The following MORC4 variants were observed in gnomAD, a reference collection of about 807,000 sequenced individuals.
The protein encoded by MORC4 is MORC family CW-type zinc finger protein 4.
Under a neutral mutation model 65.5 loss-of-function variants are expected in MORC4, and 22 were observed. The ratio of observed to expected loss-of-function variants is 0.34; its 90% CI spans 0.24 to 0.48. The LOEUF is 0.48. Ranked by LOEUF, MORC4 falls within the 20% of genes least tolerant of loss-of-function variation. The pLI is 0.99. For synonymous variants in MORC4, 267 were observed against 255.8 expected (o/e 1.04, Z -0.42); for missense variants, 624 against 703.0 (o/e 0.89, Z 1.27).
At chrX:106,982,649 G>C (rs1216670974) in intron 5 of MORC4, among the ~76,000 whole-genome samples, 1 of 111,699 alleles carries the variant, frequency 9.0e-6, no homozygotes, top group Non-Finnish European at 1.9e-5. Context: ...GCCCAGGCTA[G>C]AGTGCAGTGG....
At chrX:106,972,745 A>G (rs1182490361) in intron 9 of MORC4, among the ~76,000 whole-genome samples, 1 of 111,482 alleles carries the variant, frequency 9.0e-6, no homozygotes, top group Non-Finnish European at 1.9e-5. Context: ...TCAAGACCAG[A>G]CTGACCAACA....
chrX:106,973,119 C>A (rs989842869), intron 9 of MORC4, among the ~76,000 whole-genome samples: 3 of 112,031 alleles, frequency 2.7e-5, no homozygotes, highest in African/African-American at 9.7e-5. Context: ...GTCCAGAGGG[C>A]AAAGCCTCAA....
intron 9 of MORC4, among the ~76,000 whole-genome samples, chrX:106,966,896 G>A (rs1019836629): frequency 2.3e-4 from 26 of 112,715 alleles, no homozygotes; most frequent in African/African-American, 8.4e-4. Context: ...ACAAAAGGCA[G>A]CAGACAGCTT....
At chrX:106,986,655 A>G (rs1450776980) in intron 3 of MORC4, among the ~76,000 whole-genome samples, 1 of 111,550 alleles carries the variant, frequency 9.0e-6, no homozygotes, top group Non-Finnish European at 1.9e-5. Context: ...TAGATTAGGC[A>G]TCTCCTAACC....
intron 10 of MORC4, among the ~76,000 whole-genome samples, chrX:106,960,921 C>T (rs1020790297): frequency 1.8e-5 from 2 of 111,743 alleles, no homozygotes; most frequent in Admixed American, 1.9e-4. Flanking sequence ...ATAATAGGTA[C>T]CTACTCCAAA....
chrX:106,978,007 T>C, intron 8 of MORC4, 73 bp downstream of exon 8: 1 of 1,099,583 alleles, frequency 9.1e-7, no homozygotes, highest in Non-Finnish European at 1.2e-6. Context: ...AATGAGCCTA[T>C]CCCCTTTGCA....
intron 2 of MORC4, among the ~76,000 whole-genome samples, chrX:106,996,251 A>T (rs1935079648): frequency 9.6e-6 from 1 of 104,309 alleles, no homozygotes; most frequent in Non-Finnish European, 2.0e-5. Context: ...CAGGAGTTAC[A>T]ATGTAGCTGC....
In MORC4 at chrX:106,942,681, G is replaced by A. The variant is rs150736453; in HGVS notation, c.2210C>T (p.Ser737Phe). ...AATGGCTGCAGCAGGGATTGCAGCAGAGGCCACAGAATAAGGCACTGGGTT... is the reference window on the plus strand; with the variant it reads ...AATGGCTGCAGCAGGGATTGCAGCAAAGGCCACAGAATAAGGCACTGGGTT... ...SWNPVPYSVA[S>F]AAIPAAAIGE... Residue 737 changes from serine (S) to phenylalanine (F), a missense_variant, in exon 15 of 17, where the codon TCT becomes TTT. Ser to Phe is a radical substitution (Grantham distance 155). Transcript: ENST00000355610. 16 of 1,209,845 alleles carry A rather than the reference G, an allele frequency of 1.3e-5. No individual in the cohort carries two copies. The highest frequency in any genetic ancestry group is 1.8e-5 in the African/African-American group (1 of 57,095).
At chrX:106,971,252 T>C (rs1219217219) in intron 9 of MORC4, among the ~76,000 whole-genome samples, 1 of 112,045 alleles carries the variant, frequency 8.9e-6, no homozygotes, top group African/African-American at 3.2e-5. Context: ...TTAGGAAAAC[T>C]GGCTAGCCAT....
intron 9 of MORC4, among the ~76,000 whole-genome samples, chrX:106,969,770 A>G (rs1934463387): frequency 8.9e-6 from 1 of 112,120 alleles, no homozygotes; most frequent in South Asian, 3.8e-4. Flanking sequence ...TCCTAAGTGT[A>G]AAGCAGGAAG....
chrX:106,943,171 C>CA lies in MORC4; in HGVS notation c.1719_1720insT (p.Glu574Ter). On this transcript the variant is annotated frameshift_variant, in exon 15 of 17. Coordinates refer to ENST00000355610, the MANE Select transcript of MORC4 (RefSeq NM_024657.5). LOFTEE classifies it high-confidence loss of function. ...TCATTCTGGAGCCTTCTTCGTTTCT[C>CA]CACCGGTTCTTCACCTAGGATCCAT... 8.3e-7 allele frequency: 1 copy of CA among 1,206,422 alleles called. No homozygotes were observed. The highest frequency in any genetic ancestry group is 1.8e-5 in the South Asian group (1 of 56,668).
intron 14 of MORC4, 48 bp from the exon 15 acceptor site, chrX:106,943,253 G>A: frequency 9.8e-7 from 1 of 1,021,981 alleles, no homozygotes; most frequent in South Asian, 2.2e-5. Flanking sequence ...TACAAGTTAA[G>A]TATTTTCTGA....
intron 3 of MORC4, among the ~76,000 whole-genome samples, chrX:106,991,416 A>G (rs1934980254): frequency 8.9e-6 from 1 of 112,681 alleles, no homozygotes; most frequent in East Asian, 2.8e-4. Flanking sequence ...TTGAATGAAT[A>G]AATGAATGAA....
At chrX:106,941,828 G>A in intron 16 of MORC4, 110 bp downstream of exon 16, 1 of 906,122 alleles carries the variant, frequency 1.1e-6, no homozygotes, top group Non-Finnish European at 1.5e-6. Flanking sequence ...TCAATTCTTG[G>A]TGGCCTGTGA....
chrX:106,950,709 T>A (rs1250019458), intron 14 of MORC4, among the ~76,000 whole-genome samples: 1 of 111,734 alleles, frequency 8.9e-6, no homozygotes, highest in African/African-American at 3.3e-5. Context: ...GGAATAGAGC[T>A]TCTACAAAAC....
At chrX:106,952,002 A>AGC (rs1224516075) in intron 14 of MORC4, among the ~76,000 whole-genome samples, 5 of 36,949 alleles carry the variant, frequency 1.4e-4, no homozygotes, top group Non-Finnish European at 9.8e-5. Context: ...CCGCAAAAAA[A>AGC]AAAAAAAAAA....
intron 14 of MORC4, among the ~76,000 whole-genome samples, chrX:106,949,204 T>C (rs1236575121): frequency 1.8e-5 from 2 of 111,816 alleles, no homozygotes; most frequent in East Asian, 5.6e-4. Flanking sequence ...ATTTTTTTCA[T>C]ATCAGTTATT....
chrX:106,990,249 T>TTTTA lies in MORC4; in HGVS notation c.308+2977_308+2980dup, dbSNP rs747923966. On this transcript the variant is annotated intron_variant, in intron 3 of 16. Coordinates refer to ENST00000355610, the MANE Select transcript of MORC4 (RefSeq NM_024657.5). Reference sequence around the variant, plus strand: ...GATTGGACTAAAAAATCTCTTTTATTTTTATTTATTTATTTATTTATTTTT... The same window carrying TTTTA: ...GATTGGACTAAAAAATCTCTTTTATTTTTATTTATTTATTTATTTATTTATTTTT... Among the ~76,000 whole-genome samples the TTTTA allele has an allele frequency of 3.7e-3, 412 of 110,017 alleles. 1 individual carries two copies. The highest frequency in any genetic ancestry group is 5.8e-3 in the Non-Finnish European group (303 of 52,668).
At chrX:106,947,570 A>T (rs865826190) in intron 14 of MORC4, among the ~76,000 whole-genome samples, 18 of 59,364 alleles carry the variant, frequency 3.0e-4, no homozygotes, top group East Asian at 6.5e-4. Context: ...ATATATATAT[A>T]TTATATATAT....
Sources: gnomAD v4.1 joint callset for allele counts (sites outside exome capture counted in the v4.1 genomes callset) on GRCh38, gnomAD v4.1.1 for gene constraint, MANE v1.5 for transcripts, NCBI Gene and HGNC (gene_info 2026-07-23, HGNC 2026-07-21) for gene names.